Variants in C4orf51 observed in about 807,000 individuals in gnomAD.
The protein encoded by C4orf51 is chromosome 4 open reading frame 51.
Under a neutral mutation model 25.2 loss-of-function variants are expected in C4orf51, and 25 were observed. The ratio of observed to expected loss-of-function variants is 0.99; its 90% CI spans 0.72 to 1.39. The LOEUF is 1.39. Ranked by LOEUF, C4orf51 falls within the 40% of genes most tolerant of loss-of-function variation. C4orf51 has a pLI of 0.00. For synonymous variants in C4orf51, 100 were observed against 84.5 expected (o/e 1.18, Z -1.01); for missense variants, 252 against 239.6 (o/e 1.05, Z -0.34).
chr4:145,734,950 G>T (rs1233472642), downstream of C4orf51, among the ~76,000 whole-genome samples: 1 of 152,200 alleles, frequency 6.6e-6, no homozygotes, highest in African/African-American at 2.4e-5. Flanking sequence ...GGTTCAGTCT[G>T]ATAAAGCAGG....
intron 1 of C4orf51, among the ~76,000 whole-genome samples, chr4:145,746,870 G>A (rs1478096063): frequency 2.0e-5 from 3 of 151,682 alleles, no homozygotes; most frequent in African/African-American, 7.3e-5. Context: ...TCTTTTTTGT[G>A]TCCTCTTCAA....
rs184169233 is a variant in C4orf51, at chr4:145,768,370, G to T, written n.167-2618G>T. Among the ~76,000 whole-genome samples the T allele has an allele frequency of 2.8e-3, 427 of 152,136 alleles. 1 individual carries two copies. Among genetic ancestry groups the T allele is most frequent in the African/African-American group, 9.8e-3 (406 of 41,486 alleles). ...AGAAGAGACAGGGTTTCACCATGTT[G>T]GCCAGGCTGGTCTTGAACTCCTGAC... On this transcript the variant is annotated intron_variant and non_coding_transcript_variant, in intron 1 of 1. Transcript: ENST00000510096.
chr4:145,747,245 G>T (rs774606298), intron 1 of C4orf51, among the ~76,000 whole-genome samples: 3 of 152,040 alleles, frequency 2.0e-5, no homozygotes, highest in Non-Finnish European at 4.4e-5. Context: ...AATAACAGTG[G>T]TAAAAGTAGG....
intron 2 of C4orf51, among the ~76,000 whole-genome samples, chr4:145,705,982 A>C (rs1025138906): frequency 2.0e-5 from 3 of 152,196 alleles, no homozygotes; most frequent in Non-Finnish European, 4.4e-5. Context: ...ATATTGATCC[A>C]GATTTTTACA....
downstream of C4orf51, chr4:145,774,431 T>A: frequency 6.6e-7 from 1 of 1,515,280 alleles, no homozygotes; most frequent in Non-Finnish European, 9.0e-7. Flanking sequence ...GTGGGGATGC[T>A]TCGGCCAGGT....
chr4:145,762,268 G>C lies in C4orf51; in HGVS notation n.167-8720G>C, dbSNP rs1245075928. ...TAGCTCTTTGTCAGGAAAGGAAGCT[G>C]AGGACTATGGCAGGGGCATGGGAGG... is the stretch of plus-strand genomic sequence containing the variant. On this transcript the variant is annotated intron_variant and non_coding_transcript_variant, in intron 1 of 1. Coordinates refer to the C4orf51 transcript ENST00000510096. This position sits in a 1 kb window ranked among gnomAD's most constrained non-coding sequence, Gnocchi z 4.9. Among the ~76,000 whole-genome samples, 1 of 152,166 alleles carries C rather than the reference G, an allele frequency of 6.6e-6. No homozygotes were observed. Among genetic ancestry groups the C allele is most frequent in the Admixed American group, 6.5e-5 (1 of 15,284 alleles).
intron 2 of C4orf51, among the ~76,000 whole-genome samples, chr4:145,722,024 TA>T (rs752043118): frequency 6.6e-6 from 1 of 152,192 alleles, no homozygotes; most frequent in African/African-American, 2.4e-5. Context: ...TTACAAAATA[TA>T]ATAGAACTGC....
chr4:145,716,681 G>C (rs1345444717), intron 2 of C4orf51, among the ~76,000 whole-genome samples: 1 of 152,196 alleles, frequency 6.6e-6, no homozygotes, highest in Non-Finnish European at 1.5e-5. Context: ...GTGTGTGGTG[G>C]GGGCTGCACA....
intron 1 of C4orf51, among the ~76,000 whole-genome samples, chr4:145,693,924 G>A (rs1426320069): frequency 8.4e-5 from 12 of 142,740 alleles, no homozygotes; most frequent in Admixed American, 2.8e-4. Context: ...GCTGCCGGGC[G>A]GAGACGCTCC....
At position 145,766,816 on chromosome 4, in the gene C4orf51, A is replaced by G. The variant is rs116431365; in HGVS notation, n.167-4172A>G. On this transcript the variant is annotated intron_variant and non_coding_transcript_variant, in intron 1 of 1. Transcript: ENST00000510096. The stretch of plus-strand genomic sequence containing the variant: ...CAGTCAGATTGGAAAAACACAATTT[A>G]CAGGGCATTAGGTAGAAAACTAAGA... Among the ~76,000 whole-genome samples the G allele has an allele frequency of 8.2e-4, 125 of 152,308 alleles. 2 individuals are homozygous for G. Among genetic ancestry groups the G allele is most frequent in the African/African-American group, 2.9e-3 (119 of 41,560 alleles).
At chr4:145,746,009 A>G (rs1157732259) in intron 1 of C4orf51, among the ~76,000 whole-genome samples, 2 of 152,142 alleles carry the variant, frequency 1.3e-5, no homozygotes, top group African/African-American at 4.8e-5. Flanking sequence ...TGCCATTTGT[A>G]TGTCTTCTTT....
intron 2 of C4orf51, among the ~76,000 whole-genome samples, chr4:145,702,647 C>A (rs2126708241): frequency 6.6e-6 from 1 of 152,322 alleles, no homozygotes; most frequent in South Asian, 2.1e-4. Context: ...ACTCTAAACT[C>A]TTGAAGTAAA....
At chr4:145,754,032 T>TAG (rs919918148) in intron 1 of C4orf51, among the ~76,000 whole-genome samples, 1 of 152,004 alleles carries the variant, frequency 6.6e-6, no homozygotes, top group Non-Finnish European at 1.5e-5. Flanking sequence ...TTCTCAAGAG[T>TAG]AGGGGGCCAG....
chr4:145,737,457 A>C (rs1732865611), downstream of C4orf51, among the ~76,000 whole-genome samples: 1 of 152,254 alleles, frequency 6.6e-6, no homozygotes, highest in African/African-American at 2.4e-5. Context: ...ATAAAACATG[A>C]ATAAGTTCTT....
chr4:145,707,161 G>T (rs952590512), intron 2 of C4orf51, among the ~76,000 whole-genome samples: 15 of 151,690 alleles, frequency 9.9e-5, no homozygotes, highest in African/African-American at 2.9e-4. Flanking sequence ...GGATGGTCTC[G>T]ATCCCCTGAC....
chr4:145,786,168 G>T, the C4orf51 span, among the ~76,000 whole-genome samples: 1 of 152,142 alleles, frequency 6.6e-6, no homozygotes, highest in Non-Finnish European at 1.5e-5. Context: ...CAGGGACAAA[G>T]AAAAAGACTT....
At chr4:145,760,666 G>T in intron 1 of C4orf51, 8 of 702,330 alleles carry the variant, frequency 1.1e-5, no homozygotes, top group Non-Finnish European at 1.3e-5. Context: ...ACCCATCGGG[G>T]TCTGTAGGTT....
rs998139452 is a variant in C4orf51, at chr4:145,708,226, G to A, written c.307+11594G>A. ...TCCTCCTTATTCTGCTCTTAGTTAT[G>A]AAAGACTGAAGAGGTTAATCTGAGG... On this transcript the variant is annotated intron_variant, in intron 2 of 5. Coordinates refer to ENST00000438731, the MANE Select transcript of C4orf51 (RefSeq NM_001080531.3). Among the ~76,000 whole-genome samples, 203 of 152,212 alleles carry A rather than the reference G, an allele frequency of 1.3e-3. 3 individuals carry two copies. The highest frequency in any genetic ancestry group is 4.0e-4 in the Non-Finnish European group (27 of 68,036).
intron 1 of C4orf51, chr4:145,764,763 G>A (rs762567112): frequency 6.2e-5 from 36 of 580,226 alleles, no homozygotes; most frequent in Admixed American, 3.4e-4. Flanking sequence ...CCTGAATCCC[G>A]GGGTATTTGC....
Sources: allele counts gnomAD v4.1 joint callset (sites outside exome capture counted in the v4.1 genomes callset), GRCh38; gene constraint gnomAD v4.1.1; non-coding constraint Gnocchi (gnomAD v3.1); transcripts MANE v1.5; gene names NCBI Gene and HGNC (gene_info 2026-07-23, HGNC 2026-07-21).